TACR3: variants seen among roughly 807,000 people sequenced by gnomAD.
TACR3 encodes tachykinin receptor 3, also known as neuromedin-K receptor.
TACR3 carries 34 observed loss-of-function variants against 35.0 expected under a neutral mutation model. The ratio of observed to expected loss-of-function variants is 0.97; its 90% CI spans 0.74 to 1.30. The LOEUF is 1.30. TACR3 is among the 50% of genes most tolerant of loss of function. The pLI, the probability that TACR3 is intolerant of heterozygous loss-of-function variation, is 0.00. For synonymous variants in TACR3, 233 were observed against 221.1 expected (o/e 1.05, Z -0.48); for missense variants, 558 against 591.7 (o/e 0.94, Z 0.59).
intron 3 of TACR3, among the ~76,000 whole-genome samples, chr4:103,618,961 A>G (rs1321755850): frequency 2.0e-5 from 3 of 152,120 alleles, no homozygotes; most frequent in African/African-American, 7.2e-5. Flanking sequence ...AAATTTTACT[A>G]AAGTTGTTTA....
At chr4:103,591,793 G>A in intron 3 of TACR3, 110 bp from the exon 4 acceptor site, 1 of 1,055,928 alleles carries the variant, frequency 9.5e-7, no homozygotes, top group South Asian at 1.4e-5. Context: ...ATCATGCCTA[G>A]GGAATAGTCA....
chr4:103,648,064 C>T (rs1438668249), intron 3 of TACR3, among the ~76,000 whole-genome samples: 1 of 151,972 alleles, frequency 6.6e-6, no homozygotes, highest in Non-Finnish European at 1.5e-5. Context: ...TCAATATTTA[C>T]AAAGGTCTTC....
chr4:103,702,265 G>A (rs1029377206), intron 1 of TACR3, among the ~76,000 whole-genome samples: 6 of 152,158 alleles, frequency 3.9e-5, no homozygotes, highest in Non-Finnish European at 7.3e-5. Context: ...CTTTTCAAAA[G>A]AAGACATTTA....
chr4:103,641,727 T>C (rs984883066), intron 3 of TACR3, among the ~76,000 whole-genome samples: 2 of 151,936 alleles, frequency 1.3e-5, no homozygotes, highest in African/African-American at 4.8e-5. Context: ...AATCAACCTA[T>C]GTATACATCA....
intron 3 of TACR3, among the ~76,000 whole-genome samples, chr4:103,594,270 C>T (rs557841529): frequency 1.4e-4 from 21 of 151,998 alleles, no homozygotes; most frequent in Admixed American, 9.8e-4. Context: ...CTCTGCCTCC[C>T]GGGTTCAAGT....
At chr4:103,688,865 G>T (rs528156855) in intron 1 of TACR3, among the ~76,000 whole-genome samples, 17 of 152,194 alleles carry the variant, frequency 1.1e-4, no homozygotes, top group African/African-American at 4.1e-4. Flanking sequence ...TCTAGAACTA[G>T]AAATACCATT....
chr4:103,698,473 ATAGAG>A (rs556865536), intron 1 of TACR3, among the ~76,000 whole-genome samples: 6 of 152,216 alleles, frequency 3.9e-5, no homozygotes, highest in African/African-American at 9.6e-5. Context: ...ATGAGATTAT[ATAGAG>A]TATTTATATG....
intron 3 of TACR3, among the ~76,000 whole-genome samples, chr4:103,639,455 G>A (rs545867868): frequency 6.6e-6 from 1 of 152,116 alleles, no homozygotes; most frequent in South Asian, 2.1e-4. Flanking sequence ...GTGGGGAGAG[G>A]GGGGAGGGAT....
chr4:103,634,008 G>A (rs534701499), intron 3 of TACR3, among the ~76,000 whole-genome samples: 13 of 152,094 alleles, frequency 8.5e-5, no homozygotes, highest in African/African-American at 2.4e-4. Flanking sequence ...ACAAAAGGTC[G>A]GAAGCTAAAA....
intron 3 of TACR3, among the ~76,000 whole-genome samples, chr4:103,621,373 T>G (rs1724779141): frequency 6.6e-6 from 1 of 152,188 alleles, no homozygotes; most frequent in Non-Finnish European, 1.5e-5. Flanking sequence ...AGAGGGCCAA[T>G]ATGTGTTTAC....
chr4:103,663,871 A>G (rs1725883999), intron 1 of TACR3, among the ~76,000 whole-genome samples: 1 of 152,226 alleles, frequency 6.6e-6, no homozygotes, highest in Non-Finnish European at 1.5e-5. Context: ...AAATAGTCAG[A>G]TGTGAGATAT....
Position 103,656,251 on chromosome 4 carries a change from T to G in TACR3, c.831A>C (p.Gly277=), listed in dbSNP as rs2110329545. 1 of 1,613,072 alleles carries G rather than the reference T, an allele frequency of 6.2e-7. No homozygotes were observed. The highest frequency in any genetic ancestry group is 8.5e-7 in the Non-Finnish European group (1 of 1,179,340). ...YTIVGITLWG[G]EIPGDTCDKY... ...TGTCACAGGTATCTCCTGGGATTTC[T>G]CCTCCCCAGAGAGTAATTCCAACAA... Residue 277 remains glycine (G), a synonymous_variant, in exon 3 of 5, where the codon GGA becomes GGC. Coordinates refer to ENST00000304883, the MANE Select transcript of TACR3 (RefSeq NM_001059.3).
At chr4:103,687,551 T>G (rs1373193158) in intron 1 of TACR3, among the ~76,000 whole-genome samples, 2 of 152,146 alleles carry the variant, frequency 1.3e-5, no homozygotes, top group African/African-American at 4.8e-5. Flanking sequence ...CAGCAAAGTC[T>G]CAGGATACAA....
chr4:103,654,911 G>C (rs1288924954), intron 3 of TACR3, among the ~76,000 whole-genome samples: 1 of 152,096 alleles, frequency 6.6e-6, no homozygotes, highest in African/African-American at 2.4e-5. Flanking sequence ...GAGAGATACT[G>C]TTCATGTAAG....
chr4:103,697,503 C>A (rs1015209428), intron 1 of TACR3, among the ~76,000 whole-genome samples: 7 of 151,978 alleles, frequency 4.6e-5, no homozygotes, highest in Non-Finnish European at 1.0e-4. Context: ...CGGTTCACTG[C>A]AAGCTTCGCC....
At chr4:103,642,106 A>G (rs1298064757) in intron 3 of TACR3, among the ~76,000 whole-genome samples, 2 of 151,806 alleles carry the variant, frequency 1.3e-5, no homozygotes, top group Non-Finnish European at 2.9e-5. Flanking sequence ...GAAATTGCTA[A>G]GAGAATAAAT....
chr4:103,635,140 C>A (rs763269678), intron 3 of TACR3, among the ~76,000 whole-genome samples: 1 of 151,730 alleles, frequency 6.6e-6, no homozygotes, highest in African/African-American at 2.4e-5. Flanking sequence ...GTAATAGAGA[C>A]AAAACTACTA....
At chr4:103,696,916 G>GATT (rs902246811) in intron 1 of TACR3, among the ~76,000 whole-genome samples, 3 of 151,888 alleles carry the variant, frequency 2.0e-5, no homozygotes, top group Non-Finnish European at 4.4e-5. Flanking sequence ...CTTTAGCTAT[G>GATT]ATTATTATTA....
chr4:103,658,490 C>A, intron 1 of TACR3, 87 bp from the exon 2 acceptor site: 1 of 1,267,908 alleles, frequency 7.9e-7, no homozygotes, highest in Non-Finnish European at 1.1e-6. Context: ...AAAGGCGTTT[C>A]AATAGTTACA....
Sources: allele counts gnomAD v4.1 joint callset (sites outside exome capture counted in the v4.1 genomes callset), GRCh38; gene constraint gnomAD v4.1.1; transcripts MANE v1.5; gene names NCBI Gene and HGNC (gene_info 2026-07-23, HGNC 2026-07-21).